The following UGT2B17 variants were observed in gnomAD, a reference collection of about 807,000 sequenced individuals.
UGT2B17 encodes UDP glucuronosyltransferase family 2 member B17.
A neutral mutation model predicts 48.2 loss-of-function variants in UGT2B17; 21 were observed. The ratio of observed to expected loss-of-function variants is 0.44; its 90% CI spans 0.31 to 0.63. The LOEUF (loss-of-function observed/expected upper bound fraction) is 0.63. Ranked by LOEUF, UGT2B17 falls within the 20% of genes least tolerant of loss-of-function variation. UGT2B17 has a pLI of 0.08. For synonymous variants in UGT2B17, 146 were observed against 238.4 expected (o/e 0.61, Z 3.57); for missense variants, 402 against 696.1 (o/e 0.58, Z 4.75).
At chr4:68,564,294 A>ATATATATATTTTT (rs1366181355) in intron 3 of UGT2B17, among the ~76,000 whole-genome samples, 1 of 75,784 alleles carries the variant, frequency 1.3e-5, no homozygotes, top group African/African-American at 5.1e-5. Flanking sequence ...ATATATATAT[A>ATATATATATTTTT]TTTTTTTTTT....
At position 68,574,032 on chromosome 4, in the gene UGT2B17, G is replaced by T. The variant is rs1446458408; in HGVS notation, c.-65+1919C>A. ...AACTGGAGGACCACCGTAGTGGGAA[G>T]GGGACAATTAGGGCCTCTGGCCTGC... On this transcript the variant is annotated intron_variant, in intron 1 of 6. Transcript: ENST00000317746. Among the ~76,000 whole-genome samples, 3 of 127,020 alleles carry T rather than the reference G, an allele frequency of 2.4e-5. 1 individual carries two copies. In the Admixed American group the frequency reaches 2.4e-4, roughly 10 times the overall value. 83.3% of individuals were successfully genotyped at this position (127,020 alleles called of 152,430 possible).
chr4:68,542,395 G>A (rs1324737321), intron 6 of UGT2B17, among the ~76,000 whole-genome samples: 2 of 125,920 alleles, frequency 1.6e-5, no homozygotes, highest in Non-Finnish European at 3.4e-5. Flanking sequence ...TTTTTTTCTA[G>A]CTCTGTGAGG....
Position 68,576,073 on chromosome 4 carries a change from A to G in UGT2B17, c.-187T>C, listed in dbSNP as rs1488459008. The stretch of plus-strand genomic sequence containing the variant: ...AGGTGTTCCACTGGGGCAATTTCCT[A>G]CCCAGGAGCGCTCTTTGGATCTCAT... On this transcript the variant is annotated 5_prime_UTR_variant, in exon 1 of 7. Coordinates refer to ENST00000317746, the MANE Select transcript of UGT2B17 (RefSeq NM_001077.4). 1.6e-5 allele frequency among the ~76,000 whole-genome samples: 2 copies of G among 124,602 alleles called. 1 individual carries two copies. Among genetic ancestry groups the G allele is most frequent in the African/African-American group, 5.5e-5 (2 of 36,310 alleles). The allele number at this position is 124,602 out of a possible 152,430, so 81.7% of individuals were successfully genotyped here. A position where few individuals can be genotyped will look rare whatever the true frequency, so the allele number is the denominator to read the frequency against.
intron 5 of UGT2B17, 26 bp from the exon 6 acceptor site, chr4:68,550,922 G>C (rs567039489): frequency 2.2e-6 from 3 of 1,338,002 alleles, no homozygotes; most frequent in Non-Finnish European, 2.9e-6. Context: ...TTTTAACAAA[G>C]TTATTAATTA....
rs1286888117 is a variant in UGT2B17 at position 68,574,852 on chromosome 4, A to G, written c.-65+1099T>C. The stretch of plus-strand genomic sequence containing the variant: ...ACATGTCTCAACTTTCTGACTTATT[A>G]CAAACATTTTTTTCTTCTCTTTAAA... On this transcript the variant is annotated intron_variant, in intron 1 of 6. Transcript: ENST00000317746. Among the ~76,000 whole-genome samples, 3 of 125,164 alleles carry G rather than the reference A, an allele frequency of 2.4e-5. 1 individual carries two copies. Among genetic ancestry groups the G allele is most frequent in the Non-Finnish European group, 5.0e-5 (3 of 59,472 alleles). The allele number at this position is 125,164 out of a possible 152,430, so 82.1% of individuals were successfully genotyped here.
rs557858156 is a variant in UGT2B17 at position 68,540,859 on chromosome 4, T to G, written c.1314-2955A>C. Among the ~76,000 whole-genome samples, 17 of 125,080 alleles carry G rather than the reference T, an allele frequency of 1.4e-4. 1 individual carries two copies. The highest frequency in any genetic ancestry group is 4.6e-4 in the African/African-American group (17 of 36,586). The allele number at this position is 125,080 out of a possible 152,430, so 82.1% of individuals were successfully genotyped here. ...CCCTCCCTGAGTCCATGTATTCTCA[T>G]TTTTCGACTCCCTCTTATGAGTGAG... On this transcript the variant is annotated intron_variant, in intron 6 of 6. Transcript: ENST00000317746.
chr4:68,576,034 G>A lies in UGT2B17; in HGVS notation c.-148C>T, dbSNP rs564840201. On this transcript the variant is annotated 5_prime_UTR_variant, in exon 1 of 7. The change creates a new upstream start codon in the 5' untranslated region. Transcript: ENST00000317746. ...TTAATCCTCCACGGGGGCCTGCTAC[G>A]TGTTGATCTGGTGAGGTGTTCCACT... Among the ~76,000 whole-genome samples, 23 of 126,040 alleles carry A rather than the reference G, an allele frequency of 1.8e-4. 5 individuals are homozygous for A. Among genetic ancestry groups the A allele is most frequent in the Admixed American group, 4.8e-4 (6 of 12,390 alleles). 82.7% of individuals were successfully genotyped at this position (126,040 alleles called of 152,430 possible).
At position 68,543,557 on chromosome 4, in the gene UGT2B17, C is replaced by T; in HGVS notation, c.1314-5653G>A. Among the ~76,000 whole-genome samples the T allele has an allele frequency of 1.6e-5, 2 of 125,818 alleles. 1 individual carries two copies. The highest frequency in any genetic ancestry group is 1.5e-3 in the East Asian group (2 of 1,320). The allele number at this position is 125,818 out of a possible 152,430, so 82.5% of individuals were successfully genotyped here. The stretch of plus-strand genomic sequence containing the variant: ...TCCTCCAAAGAAATGCAGCTCCTCA[C>T]CAGCAATGGAACAAAGCTGGATGGA... On this transcript the variant is annotated intron_variant, in intron 6 of 6. Transcript: ENST00000317746.
At chr4:68,540,497 T>C (rs1399849949) in intron 6 of UGT2B17, among the ~76,000 whole-genome samples, 1 of 126,152 alleles carries the variant, frequency 7.9e-6, no homozygotes, top group Non-Finnish European at 1.7e-5. Flanking sequence ...CTAATTTTTG[T>C]ATTTTTAGTA....
intron 4 of UGT2B17, among the ~76,000 whole-genome samples, chr4:68,553,852 T>C (rs1478158134): frequency 8.4e-6 from 1 of 118,620 alleles, no homozygotes; most frequent in African/African-American, 2.9e-5. Context: ...AACTGTGGTT[T>C]ACATAGGAAA....
intron 4 of UGT2B17, among the ~76,000 whole-genome samples, chr4:68,553,817 C>G (rs1730956554): frequency 8.4e-6 from 1 of 119,724 alleles, no homozygotes; most frequent in Non-Finnish European, 1.7e-5. Context: ...TTTGGCTTGT[C>G]TGTGTGGATT....
Position 68,569,950 on chromosome 4 carries a change from G to C in UGT2B17, c.-64-1402C>G, listed in dbSNP as rs1231734213. Reference sequence around the variant, plus strand: ...AACCAATTCAAGAACCTTATATCTGGTGCCAAAACCTGGGTGGGGCTCAGG... The same window carrying C: ...AACCAATTCAAGAACCTTATATCTGCTGCCAAAACCTGGGTGGGGCTCAGG... On this transcript the variant is annotated intron_variant, in intron 1 of 6. Transcript: ENST00000317746. 1.6e-5 allele frequency among the ~76,000 whole-genome samples: 2 copies of C among 125,800 alleles called. 1 individual carries two copies. Among genetic ancestry groups the C allele is most frequent in the African/African-American group, 5.5e-5 (2 of 36,676 alleles). 82.5% of individuals were successfully genotyped at this position (125,800 alleles called of 152,430 possible).
chr4:68,561,858 C>A (rs1731109602), intron 3 of UGT2B17, among the ~76,000 whole-genome samples: 1 of 120,718 alleles, frequency 8.3e-6, no homozygotes, highest in South Asian at 4.0e-4. Context: ...TCCCGGATAT[C>A]ATATCAAAAT....
intron 6 of UGT2B17, among the ~76,000 whole-genome samples, chr4:68,546,315 T>C (rs28830545): frequency 2.4e-5 from 3 of 125,648 alleles, no homozygotes; most frequent in African/African-American, 8.1e-5. Context: ...ACAGAACCAA[T>C]GACAAAAACC....
rs1446552970 is a variant in UGT2B17, at chr4:68,546,667, C to G, written c.1313+4010G>C. 2.4e-5 allele frequency among the ~76,000 whole-genome samples: 3 copies of G among 125,272 alleles called. 1 individual carries two copies. The highest frequency in any genetic ancestry group is 5.1e-5 in the Non-Finnish European group (3 of 59,238). The allele number at this position is 125,272 out of a possible 152,430, so 82.2% of individuals were successfully genotyped here. On this transcript the variant is annotated intron_variant, in intron 6 of 6. Transcript: ENST00000317746. Reference sequence around the variant, plus strand: ...GTTTGCAGAAGACATGATTGTATATCTAGAAAACCTGATCGTCTGAGCCCC... The same window carrying G: ...GTTTGCAGAAGACATGATTGTATATGTAGAAAACCTGATCGTCTGAGCCCC...
Position 68,540,674 on chromosome 4 carries a change from G to A in UGT2B17, c.1314-2770C>T, listed in dbSNP as rs568439805. Among the ~76,000 whole-genome samples the A allele has an allele frequency of 9.0e-4, 113 of 125,980 alleles. 23 individuals carry two copies. The highest frequency in any genetic ancestry group is 1.5e-3 in the Non-Finnish European group (92 of 59,456). The allele number at this position is 125,980 out of a possible 152,430, so 82.6% of individuals were successfully genotyped here. ...TTATTTTAAGTTCCAGGATACATACGCAGAATGTGTGGGTTTGTTACATAG... is the reference window on the plus strand; with the variant it reads ...TTATTTTAAGTTCCAGGATACATACACAGAATGTGTGGGTTTGTTACATAG... On this transcript the variant is annotated intron_variant, in intron 6 of 6. Coordinates refer to ENST00000317746, the MANE Select transcript of UGT2B17 (RefSeq NM_001077.4).
Position 68,575,943 on chromosome 4 carries a change from A to G in UGT2B17, c.-65+8T>C, listed in dbSNP as rs1021436846. ...TGGAGTGGGACAAGTTCAAAAGACT[A>G]GTCTTACCAAGTTCCAGATGTCCAG... On this transcript the variant is annotated splice_region_variant and intron_variant, in intron 1 of 6. Transcript: ENST00000317746. 7.1e-5 allele frequency among the ~76,000 whole-genome samples: 9 copies of G among 126,510 alleles called. 2 individuals carry two copies. The East Asian group carries it at 6.2e-3, about 87-fold the overall frequency. The allele number at this position is 126,510 out of a possible 152,430, so 83.0% of individuals were successfully genotyped here.
rs1171415629 is a variant in UGT2B17 at position 68,552,331 on chromosome 4, A to T, written c.1006-420T>A. 1.1e-4 allele frequency among the ~76,000 whole-genome samples: 14 copies of T among 126,018 alleles called. 3 individuals are homozygous for T. Among genetic ancestry groups the T allele is most frequent in the African/African-American group, 3.8e-4 (14 of 36,950 alleles). The allele number at this position is 126,018 out of a possible 152,430, so 82.7% of individuals were successfully genotyped here. ...AGAGGCTAATCAGAAACTCAAAGGAATTCAGCCATTTGTCTCCTATCTACC... is the reference window on the plus strand; with the variant it reads ...AGAGGCTAATCAGAAACTCAAAGGATTTCAGCCATTTGTCTCCTATCTACC... On this transcript the variant is annotated intron_variant, in intron 4 of 6. Coordinates refer to ENST00000317746, the MANE Select transcript of UGT2B17 (RefSeq NM_001077.4).
intron 6 of UGT2B17, among the ~76,000 whole-genome samples, chr4:68,543,439 C>T (rs1460418614): frequency 8.0e-6 from 1 of 124,956 alleles, no homozygotes; most frequent in African/African-American, 2.7e-5. Context: ...ATTTCTACAT[C>T]GCCATCATCA....
Sources: gnomAD v4.1 joint callset for allele counts (sites outside exome capture counted in the v4.1 genomes callset) on GRCh38, gnomAD v4.1.1 for gene constraint, MANE v1.5 for transcripts, NCBI Gene and HGNC (gene_info 2026-07-23, HGNC 2026-07-21) for gene names.